ADGRA3: variants seen among roughly 807,000 people sequenced by gnomAD.
ADGRA3 encodes the protein adhesion G protein-coupled receptor A3.
ADGRA3 carries 56 observed loss-of-function variants against 119.8 expected under a neutral mutation model. The ratio of observed to expected loss-of-function variants is 0.47; its 90% confidence interval spans 0.38 to 0.58. ADGRA3 has a LOEUF of 0.58. Ranked by LOEUF, ADGRA3 falls within the 20% of genes least tolerant of loss-of-function variation. The pLI is 0.00. For synonymous variants in ADGRA3, 607 were observed against 623.8 expected (o/e 0.97, Z 0.40); for missense variants, 1,516 against 1,649.0 (o/e 0.92, Z 1.40).
At chr4:22,400,249 T>C (rs576122301) in intron 16 of ADGRA3, among the ~76,000 whole-genome samples, 45 of 152,298 alleles carry the variant, frequency 3.0e-4, no homozygotes, top group Admixed American at 2.6e-3. Flanking sequence ...TGCACTCTTG[T>C]GTTCCCTGAA....
intron 11 of ADGRA3, among the ~76,000 whole-genome samples, chr4:22,422,919 G>GT (rs1048421379): frequency 7.2e-5 from 11 of 152,176 alleles, no homozygotes; most frequent in Admixed American, 3.9e-4. Flanking sequence ...ACCTAGCCAG[G>GT]TGCGGTGGCT....
At chr4:22,490,711 T>C (rs1350295552) in intron 1 of ADGRA3, among the ~76,000 whole-genome samples, 1 of 152,174 alleles carries the variant, frequency 6.6e-6, no homozygotes, top group Non-Finnish European at 1.5e-5. Context: ...TGAACTTTGC[T>C]GTAAAAAGAA....
At chr4:22,397,981 A>T (rs117451133) in intron 16 of ADGRA3, 1 of 631,638 alleles carries the variant, frequency 1.6e-6, no homozygotes, top group South Asian at 7.1e-5. Context: ...CAGTAACAAT[A>T]AAGTGAGACC....
intron 1 of ADGRA3, among the ~76,000 whole-genome samples, chr4:22,483,242 C>G (rs968547177): frequency 3.9e-5 from 6 of 152,176 alleles, no homozygotes; most frequent in African/African-American, 1.4e-4. Flanking sequence ...TAGCTCCACT[C>G]TGGCATGTGC....
At chr4:22,486,271 A>G (rs911874992) in intron 1 of ADGRA3, among the ~76,000 whole-genome samples, 3 of 152,276 alleles carry the variant, frequency 2.0e-5, no homozygotes, top group African/African-American at 7.2e-5. Flanking sequence ...AGCTCACTGT[A>G]TATCTACTTA....
intron 3 of ADGRA3, among the ~76,000 whole-genome samples, chr4:22,458,008 A>G (rs534697402): frequency 5.9e-5 from 9 of 152,332 alleles, no homozygotes; most frequent in African/African-American, 1.7e-4. Flanking sequence ...AGGGGATAAG[A>G]AAAGGACCTG....
intron 1 of ADGRA3, among the ~76,000 whole-genome samples, chr4:22,482,468 C>A (rs1036260946): frequency 3.4e-5 from 5 of 146,296 alleles, no homozygotes; most frequent in African/African-American, 1.3e-4. Context: ...CCAGCCTGGG[C>A]AACACAGTGA....
chr4:22,476,426 T>C (rs892940320), intron 1 of ADGRA3, among the ~76,000 whole-genome samples: 2 of 152,130 alleles, frequency 1.3e-5, no homozygotes, highest in Non-Finnish European at 2.9e-5. Flanking sequence ...CAAATTATAA[T>C]ACATCCAAAC....
chr4:22,504,531 T>C (rs1719169078), intron 1 of ADGRA3, among the ~76,000 whole-genome samples: 1 of 152,162 alleles, frequency 6.6e-6, no homozygotes, highest in African/African-American at 2.4e-5. Context: ...AAAACCTTAT[T>C]GTCCTTACCC....
intron 4 of ADGRA3, among the ~76,000 whole-genome samples, chr4:22,450,325 G>A (rs1437541310): frequency 1.3e-5 from 2 of 150,958 alleles, no homozygotes; most frequent in African/African-American, 4.9e-5. Flanking sequence ...AGCAGTGGAT[G>A]GAGTACAGTG....
At chr4:22,411,831 G>C (rs1715214306) in intron 14 of ADGRA3, among the ~76,000 whole-genome samples, 1 of 151,916 alleles carries the variant, frequency 6.6e-6, no homozygotes, top group Non-Finnish European at 1.5e-5. Context: ...GCTTGCACTT[G>C]TATAAAATGC....
intron 3 of ADGRA3, among the ~76,000 whole-genome samples, chr4:22,460,300 G>A (rs1560328700): frequency 6.6e-6 from 1 of 152,178 alleles, no homozygotes; most frequent in African/African-American, 2.4e-5. Flanking sequence ...GTTGGCATAA[G>A]GATTATTTCC....
At chr4:22,511,329 T>G (rs1249843241) in intron 1 of ADGRA3, among the ~76,000 whole-genome samples, 4 of 152,100 alleles carry the variant, frequency 2.6e-5, no homozygotes, top group Non-Finnish European at 4.4e-5. Context: ...TTTGTTCAAT[T>G]TCTGTGTTAT....
chr4:22,508,425 A>G (rs1719319459), intron 1 of ADGRA3, among the ~76,000 whole-genome samples: 1 of 152,196 alleles, frequency 6.6e-6, no homozygotes, highest in Admixed American at 6.5e-5. Flanking sequence ...TGAAAGCATC[A>G]TGTCTTATTT....
intron 11 of ADGRA3, among the ~76,000 whole-genome samples, chr4:22,422,304 T>C (rs1385757675): frequency 3.9e-5 from 6 of 152,110 alleles, no homozygotes; most frequent in African/African-American, 1.4e-4. Flanking sequence ...TATTAGGAAA[T>C]AAGATACAAA....
intron 3 of ADGRA3, chr4:22,455,937 G>C (rs1717220264): frequency 1.5e-6 from 1 of 668,066 alleles, no homozygotes; most frequent in South Asian, 1.7e-5. Context: ...TTTGAATTCT[G>C]ACAGAATAAT....
At chr4:22,408,326 T>C (rs1007213682) in intron 14 of ADGRA3, among the ~76,000 whole-genome samples, 2 of 128,882 alleles carry the variant, frequency 1.6e-5, no homozygotes, top group Admixed American at 8.5e-5. Context: ...AGAAACTCTG[T>C]TCATAAAAAG....
At chr4:22,443,246 C>G in intron 6 of ADGRA3, 1 of 493,198 alleles carries the variant, frequency 2.0e-6, no homozygotes, top group South Asian at 3.5e-5. Flanking sequence ...GATTACAACA[C>G]GAGTTTTTGG....
rs551038567 is a variant in ADGRA3, at chr4:22,424,301, G to C, written c.1495C>G (p.Arg499Gly). Residue 499 changes from arginine to glycine, a missense_variant, in exon 11 of 19, where the codon CGT becomes GGT. Around this residue, in one of 2 missense-constraint regions of ADGRA3, gnomAD observed 1,088 missense variants for 1,107.1 expected, o/e 0.98. Transcript: ENST00000334304. ...TCCCTCTGCGCCAGCCACAGGACAC[G>C]TTCATCAGCCAACATGATGTTACTT... ...IASNIMLADE[R>G]VLWLAQREAK... 8.7e-6 allele frequency: 14 copies of C among 1,613,862 alleles called. No homozygotes were observed. The highest frequency in any genetic ancestry group is 1.2e-5 in the Non-Finnish European group (14 of 1,179,854).
Sources: gnomAD v4.1 joint callset for allele counts (sites outside exome capture counted in the v4.1 genomes callset) on GRCh38, gnomAD v4.1.1 for gene constraint, gnomAD v4.1.1 regional missense constraint, MANE v1.5 for transcripts, NCBI Gene and HGNC (gene_info 2026-07-23, HGNC 2026-07-21) for gene names.